PCDH15: variants seen among roughly 807,000 people sequenced by gnomAD.
PCDH15 encodes protocadherin-15.
A neutral mutation model predicts 178.5 loss-of-function variants in PCDH15; 129 were observed. The ratio of observed to expected loss-of-function variants is 0.72; its 90% confidence interval spans 0.63 to 0.84. The LOEUF is 0.84. Ranked by LOEUF, PCDH15 falls within the 40% of genes least tolerant of loss-of-function variation. The pLI is 0.00. For missense variants in PCDH15, 2,230 were observed against 2,099.9 expected, an observed-to-expected ratio of 1.06 and a Z score of -1.21; for synonymous variants, 800 against 732.0, an observed-to-expected ratio of 1.09 and a Z score of -1.50.
chr10:54,214,088 T>A, intron 9 of PCDH15, 40 bp from the exon 10 acceptor site: 1 of 1,084,234 alleles, frequency 9.2e-7, no homozygotes, highest in South Asian at 1.2e-5. Flanking sequence ...TTGAGAACAA[T>A]AAGTAATATG....
intron 2 of PCDH15, among the ~76,000 whole-genome samples, chr10:55,082,146 A>G (rs942558709): frequency 6.6e-6 from 1 of 152,202 alleles, no homozygotes; most frequent in African/African-American, 2.4e-5. Context: ...TAGCAAATGG[A>G]TCATCCTCAA....
chr10:53,975,030 A>G (rs2134503505), intron 21 of PCDH15, among the ~76,000 whole-genome samples: 1 of 152,258 alleles, frequency 6.6e-6, no homozygotes, highest in Admixed American at 6.5e-5. Context: ...GAAAACATGC[A>G]GTATTTGGTT....
chr10:55,371,052 T>G (rs1845496488), intron 2 of PCDH15, among the ~76,000 whole-genome samples: 1 of 152,154 alleles, frequency 6.6e-6, no homozygotes, highest in Admixed American at 6.6e-5. Flanking sequence ...TCTATTGTTT[T>G]GTTGCATCAT....
In PCDH15 at chr10:55,104,789, G is replaced by A. The variant is rs140140969; in HGVS notation, c.-80+61787C>T. ...AGGAAAAAATCCGGCATCACTAGTA[G>A]CACTTTGTATGGGTCCCATGGTGTT... On this transcript the variant is annotated intron_variant, in intron 2 of 5. Transcript: ENST00000458638. 7.3e-4 allele frequency among the ~76,000 whole-genome samples: 111 copies of A among 152,202 alleles called. 1 individual carries two copies. In the East Asian group the frequency reaches 0.021, roughly 29 times the overall value.
chr10:55,299,469 A>G (rs1364981359), intron 1 of PCDH15, among the ~76,000 whole-genome samples: 1 of 152,214 alleles, frequency 6.6e-6, no homozygotes, highest in Non-Finnish European at 1.5e-5. Context: ...TTTCATGTAC[A>G]GCAGTGTTGA....
intron 2 of PCDH15, among the ~76,000 whole-genome samples, chr10:55,159,228 A>G (rs1838985504): frequency 6.6e-6 from 1 of 151,868 alleles, no homozygotes; most frequent in Non-Finnish European, 1.5e-5. Context: ...AGCTGCTAAT[A>G]TGGTTTCAAA....
intron 5 of PCDH15, among the ~76,000 whole-genome samples, chr10:54,356,045 T>A (rs1047415580): frequency 2.0e-5 from 3 of 152,006 alleles, no homozygotes; most frequent in Non-Finnish European, 4.4e-5. Flanking sequence ...CTTAACCTAG[T>A]TCCCCACAAT....
intron 1 of PCDH15, among the ~76,000 whole-genome samples, chr10:54,722,630 T>C (rs56339367): frequency 0.12 from 18,234 of 150,730 alleles, 1,235 homozygotes; most frequent in African/African-American, 0.17. Context: ...GGCATAATTG[T>C]GTATCAGAAA....
At chr10:53,982,372 T>C (rs1261601774) in intron 21 of PCDH15, among the ~76,000 whole-genome samples, 1 of 152,102 alleles carries the variant, frequency 6.6e-6, no homozygotes, top group Admixed American at 6.5e-5. Flanking sequence ...CATGCACACG[T>C]ATGTTTATTG....
At chr10:54,121,195 T>TTTTTTTTTTTTTTTTGAGACGG (rs1468310840) in intron 15 of PCDH15, among the ~76,000 whole-genome samples, 35 of 152,092 alleles carry the variant, frequency 2.3e-4, no homozygotes, top group African/African-American at 4.1e-4. Context: ...GAGTGACTTT[T>TTTTTTTTTTTTTTTTGAGACGG]AAGTAAACAA....
chr10:55,267,084 A>C (rs1200312219), intron 1 of PCDH15, among the ~76,000 whole-genome samples: 1 of 152,006 alleles, frequency 6.6e-6, no homozygotes, highest in Admixed American at 6.6e-5. Flanking sequence ...AACTTTTCCC[A>C]TTTCAAAAGG....
At chr10:54,594,948 C>T (rs1160252514) in intron 2 of PCDH15, among the ~76,000 whole-genome samples, 1 of 152,198 alleles carries the variant, frequency 6.6e-6, no homozygotes, top group Non-Finnish European at 1.5e-5. Context: ...AGCAAGAATG[C>T]TCACAGAGGG....
intron 1 of PCDH15, among the ~76,000 whole-genome samples, chr10:54,745,588 G>C (rs931612768): frequency 6.6e-6 from 1 of 152,144 alleles, no homozygotes; most frequent in Non-Finnish European, 1.5e-5. Flanking sequence ...AGGGGTTTCT[G>C]GCTGGATTCC....
chr10:54,397,490 T>C (rs536280201), intron 3 of PCDH15, among the ~76,000 whole-genome samples: 3 of 152,102 alleles, frequency 2.0e-5, no homozygotes, highest in Admixed American at 1.3e-4. Context: ...TAGCCTTGAA[T>C]AAAGTCTTGC....
intron 1 of PCDH15, among the ~76,000 whole-genome samples, chr10:54,780,425 G>C (rs951767543): frequency 1.3e-5 from 2 of 152,122 alleles, no homozygotes; most frequent in African/African-American, 2.4e-5. Flanking sequence ...TGGGAACTGG[G>C]AGAACTGTTT....
chr10:55,600,516 C>G (rs1564475358), intron 2 of PCDH15, among the ~76,000 whole-genome samples: 2 of 152,080 alleles, frequency 1.3e-5, no homozygotes, highest in African/African-American at 4.8e-5. Flanking sequence ...AGAGTGCAAT[C>G]CTATTCTAGC....
intron 1 of PCDH15, among the ~76,000 whole-genome samples, chr10:55,250,442 C>T (rs1841804431): frequency 6.7e-6 from 1 of 148,448 alleles, no homozygotes; most frequent in African/African-American, 2.5e-5. Flanking sequence ...ACACTGCACC[C>T]AATCATAATA....
At chr10:54,407,036 T>C (rs1229515156) in intron 3 of PCDH15, among the ~76,000 whole-genome samples, 4 of 152,092 alleles carry the variant, frequency 2.6e-5, no homozygotes, top group Non-Finnish European at 5.9e-5. Context: ...CTCAATAACA[T>C]AAGGACAAAT....
In PCDH15 at chr10:55,543,414, C is replaced by T. The variant is rs372581537; in HGVS notation, c.-156+84211G>A. 1.0e-4 allele frequency among the ~76,000 whole-genome samples: 15 copies of T among 149,234 alleles called. No individual in the cohort carries two copies. The East Asian group carries it at 2.4e-3, about 23-fold the overall frequency. On this transcript the variant is annotated intron_variant, in intron 2 of 5. Coordinates refer to the PCDH15 transcript ENST00000613346. ...ATATGTATATATAAAAATACTGTAC[C>T]CCTCAACAATTATATATATATAATA...
Sources: allele counts gnomAD v4.1 joint callset (sites outside exome capture counted in the v4.1 genomes callset), GRCh38; gene constraint gnomAD v4.1.1; transcripts MANE v1.5; gene names NCBI Gene and HGNC (gene_info 2026-07-23, HGNC 2026-07-21).